MACROD2: variants seen among roughly 807,000 people sequenced by gnomAD.
The protein encoded by MACROD2 is mono-ADP ribosylhydrolase 2.
A neutral mutation model predicts 70.4 loss-of-function variants in MACROD2; 36 were observed. The observed-to-expected ratio is 0.51, with a 90% CI of 0.39 to 0.68. The LOEUF (loss-of-function observed/expected upper bound fraction) is 0.68, where lower values mean the gene tolerates loss of function less well. MACROD2 is among the 30% of genes least tolerant of loss of function. The probability of loss-of-function intolerance (pLI) is 0.00; values close to 1 mark genes in which losing one functional copy is unlikely to be tolerated. For synonymous variants in MACROD2, 172 were observed against 178.8 expected, an observed-to-expected ratio of 0.96 and a Z score of 0.30; for missense variants, 496 against 538.4, an observed-to-expected ratio of 0.92 and a Z score of 0.78.
chr20:15,056,391 G>A (rs1470670170), intron 5 of MACROD2, among the ~76,000 whole-genome samples: 3 of 152,140 alleles, frequency 2.0e-5, no homozygotes, highest in East Asian at 3.9e-4. Context: ...AGCTCCCGGC[G>A]AGACTCCTGT....
At chr20:14,127,798 T>G in intron 3 of MACROD2, 1 of 445,800 alleles carries the variant, frequency 2.2e-6, no homozygotes, top group Non-Finnish European at 4.4e-6. Flanking sequence ...AAAGAGAAAA[T>G]TGAAGAGAAA....
intron 6 of MACROD2, among the ~76,000 whole-genome samples, chr20:15,393,077 C>T (rs1319467629): frequency 6.6e-6 from 1 of 151,990 alleles, no homozygotes; most frequent in Non-Finnish European, 1.5e-5. Flanking sequence ...CTCAAGACCC[C>T]AGTCTAAGAG....
chr20:15,070,668 C>A (rs925928067), intron 5 of MACROD2, among the ~76,000 whole-genome samples: 1 of 152,086 alleles, frequency 6.6e-6, no homozygotes, highest in Non-Finnish European at 1.5e-5. Context: ...CACACTGGCT[C>A]CCCCTTTGCC....
At chr20:15,733,778 C>T (rs1568998807) in intron 8 of MACROD2, among the ~76,000 whole-genome samples, 5 of 152,104 alleles carry the variant, frequency 3.3e-5, no homozygotes, top group South Asian at 4.2e-4. Context: ...ACTGCAGAAA[C>T]GTTGTGTATT....
intron 3 of MACROD2, among the ~76,000 whole-genome samples, chr20:14,199,912 G>C (rs2081464899): frequency 1.3e-5 from 2 of 152,114 alleles, no homozygotes; most frequent in Admixed American, 1.3e-4. Context: ...ATTTGTGATG[G>C]TTTACTTACT....
At chr20:14,604,514 G>A (rs1299590734) in intron 4 of MACROD2, among the ~76,000 whole-genome samples, 3 of 152,162 alleles carry the variant, frequency 2.0e-5, no homozygotes, top group Non-Finnish European at 1.5e-5. Flanking sequence ...CATTGTGGCA[G>A]GTGGCTGCGT....
At chr20:14,420,995 G>T (rs1258728901) in intron 3 of MACROD2, among the ~76,000 whole-genome samples, 1 of 152,196 alleles carries the variant, frequency 6.6e-6, no homozygotes, top group Admixed American at 6.5e-5. Flanking sequence ...GCCCAGCCTT[G>T]AAAGTGTTCT....
rs140774478 is a variant in MACROD2, at chr20:14,534,575, G to A, written c.301+41067G>A. On this transcript the variant is annotated intron_variant, in intron 4 of 17. Transcript: ENST00000684519. ...TCAAATACAGATGTATTTTAGAAGG[G>A]AATGGAGATTGCTTTATGTTTAGCA... 9.9e-3 allele frequency among the ~76,000 whole-genome samples: 1,512 copies of A among 152,294 alleles called. 33 individuals carry two copies. Among genetic ancestry groups the A allele is most frequent in the African/African-American group, 0.035 (1,441 of 41,542 alleles).
At chr20:14,447,162 G>A (rs140025382) in intron 3 of MACROD2, among the ~76,000 whole-genome samples, 2,419 of 152,108 alleles carry the variant, frequency 0.016, 27 homozygotes, top group Non-Finnish European at 0.025. Flanking sequence ...GGGATTACAG[G>A]CACCCACCAC....
rs116855365 is a variant in MACROD2 at position 14,177,641 on chromosome 20, C to T, written c.271+91913C>T. On this transcript the variant is annotated intron_variant, in intron 3 of 17. Transcript: ENST00000684519. ...GAGATTTCTTCTATAACTAAAACAC[C>T]GTTATACTCATGCTTGTATCGACCA... Among the ~76,000 whole-genome samples the T allele has an allele frequency of 1.1e-3, 168 of 152,130 alleles. 2 individuals carry two copies. In the East Asian group the frequency reaches 0.026, roughly 24 times the overall value.
At chr20:14,298,135 C>T (rs1195782063) in intron 3 of MACROD2, among the ~76,000 whole-genome samples, 1 of 151,894 alleles carries the variant, frequency 6.6e-6, no homozygotes, top group Non-Finnish European at 1.5e-5. Flanking sequence ...TATTACTGCT[C>T]ATTGACAATG....
chr20:15,891,485 A>T (rs2064889072), intron 10 of MACROD2, among the ~76,000 whole-genome samples: 1 of 152,296 alleles, frequency 6.6e-6, no homozygotes, highest in Admixed American at 6.5e-5. Context: ...TGTGTTGAGG[A>T]TAGAGTGTAG....
At position 15,208,085 on chromosome 20, in the gene MACROD2, A is replaced by T. The variant is rs920126522; in HGVS notation, c.419-21855A>T. 2.0e-5 allele frequency among the ~76,000 whole-genome samples: 3 copies of T among 151,452 alleles called. No homozygotes were observed. In the South Asian group the frequency reaches 6.3e-4, roughly 32 times the overall value. On this transcript the variant is annotated intron_variant, in intron 5 of 17. Transcript: ENST00000684519. Reference sequence around the variant, plus strand: ...TAGTTTCACAGGTCCCTGAAACTCTATTTTTTTTGACGTTTGTTTAGCCTA... The same window carrying T: ...TAGTTTCACAGGTCCCTGAAACTCTTTTTTTTTTGACGTTTGTTTAGCCTA...
chr20:14,662,987 T>C (rs1354260890), intron 4 of MACROD2, among the ~76,000 whole-genome samples: 1 of 152,130 alleles, frequency 6.6e-6, no homozygotes, highest in Non-Finnish European at 1.5e-5. Flanking sequence ...ACTGGGCATA[T>C]ACTCAAAGGA....
At chr20:15,593,922 C>A (rs2048711917) in intron 8 of MACROD2, among the ~76,000 whole-genome samples, 1 of 152,142 alleles carries the variant, frequency 6.6e-6, no homozygotes, top group Non-Finnish European at 1.5e-5. Flanking sequence ...CCTCCCTCGC[C>A]CCATGTACAA....
At chr20:14,259,827 CTGTCTAT>C (rs2082087714) in intron 3 of MACROD2, among the ~76,000 whole-genome samples, 1 of 152,176 alleles carries the variant, frequency 6.6e-6, no homozygotes, top group Non-Finnish European at 1.5e-5. Context: ...GTAGCCTCTG[CTGTCTAT>C]CCTTTGTTTA....
rs567542140 is a variant in MACROD2, at chr20:14,469,259, A to C, written c.272-24220A>C. ...TTAAGAATGTTGAATATTGGCCCCCACTCTCTTCTGGCTTGTAGGGTTTCT... is the reference window on the plus strand; with the variant it reads ...TTAAGAATGTTGAATATTGGCCCCCCCTCTCTTCTGGCTTGTAGGGTTTCT... On this transcript the variant is annotated intron_variant, in intron 3 of 17. Coordinates refer to ENST00000684519, the MANE Select transcript of MACROD2 (RefSeq NM_001351661.2). Among the ~76,000 whole-genome samples, 6 of 151,840 alleles carry C rather than the reference A, an allele frequency of 4.0e-5. No homozygotes were observed. The East Asian group carries it at 5.9e-4, about 15-fold the overall frequency.
intron 5 of MACROD2, among the ~76,000 whole-genome samples, chr20:15,165,938 A>G (rs2076380552): frequency 6.6e-6 from 1 of 152,232 alleles, no homozygotes; most frequent in Non-Finnish European, 1.5e-5. Context: ...CTATGGATAC[A>G]TATTACAACA....
At chr20:14,974,222 G>A (rs909488426) in intron 5 of MACROD2, among the ~76,000 whole-genome samples, 10 of 152,144 alleles carry the variant, frequency 6.6e-5, no homozygotes, top group Admixed American at 1.3e-4. Context: ...TCAGGGACCC[G>A]ACCACCTCTT....
Sources: gnomAD v4.1 joint callset for allele counts (sites outside exome capture counted in the v4.1 genomes callset) on GRCh38, gnomAD v4.1.1 for gene constraint, MANE v1.5 for transcripts, NCBI Gene and HGNC (gene_info 2026-07-23, HGNC 2026-07-21) for gene names.